LRP1B: variants seen among roughly 807,000 people sequenced by gnomAD.
The protein encoded by LRP1B is low-density lipoprotein receptor-related protein 1B.
LRP1B carries 217 observed loss-of-function variants against 556.6 expected under a neutral mutation model. That is an observed-to-expected ratio of 0.39 (90% CI 0.35 to 0.44). The LOEUF is 0.44. Among genes scored for constraint, LRP1B ranks in the 20% least tolerant of loss-of-function variants. The pLI is 1.00. For synonymous variants in LRP1B, 2,047 were observed against 1,865.8 expected (o/e 1.10, Z -2.50); for missense variants, 5,053 against 5,620.8 (o/e 0.90, Z 3.23).
chr2:140,344,847 A>G (rs575428713), intron 77 of LRP1B, among the ~76,000 whole-genome samples: 1 of 151,800 alleles, frequency 6.6e-6, no homozygotes, highest in Admixed American at 6.6e-5. Context: ...GGGGTATTTC[A>G]TTATTAAGAG....
In LRP1B at chr2:141,483,773, G is replaced by A. The variant is rs1280233852; in HGVS notation, c.206-3240C>T. Among the ~76,000 whole-genome samples the A allele has an allele frequency of 5.9e-5, 9 of 151,994 alleles. No homozygotes were observed. In the East Asian group the frequency reaches 1.6e-3, roughly 26 times the overall value. Reference sequence around the variant, plus strand: ...GCATAAATGTCTTCTTTTGAGAAGTGTCTGTTCATATCCTTTGCCCACTTT... The same window carrying A: ...GCATAAATGTCTTCTTTTGAGAAGTATCTGTTCATATCCTTTGCCCACTTT... On this transcript the variant is annotated intron_variant, in intron 2 of 90. Coordinates refer to ENST00000389484, the MANE Select transcript of LRP1B (RefSeq NM_018557.3).
At chr2:141,076,405 T>C (rs763370472) in intron 7 of LRP1B, among the ~76,000 whole-genome samples, 1 of 152,208 alleles carries the variant, frequency 6.6e-6, no homozygotes, top group Non-Finnish European at 1.5e-5. Flanking sequence ...GATTAATACT[T>C]GAAAAGGTAA....
chr2:140,533,625 G>A (rs13404711), intron 47 of LRP1B, among the ~76,000 whole-genome samples: 65,679 of 151,902 alleles, frequency 0.43, 15,098 homozygotes, highest in East Asian at 0.58. Flanking sequence ...GTGGGAAGGA[G>A]AAATTAAGGA....
At chr2:141,344,324 T>A (rs937577217) in intron 3 of LRP1B, among the ~76,000 whole-genome samples, 1 of 152,206 alleles carries the variant, frequency 6.6e-6, no homozygotes, top group Non-Finnish European at 1.5e-5. Context: ...GGTCCTGTTA[T>A]CATTCTGAAC....
At chr2:140,926,073 T>TTC (rs1694877212) in intron 20 of LRP1B, among the ~76,000 whole-genome samples, 1 of 147,856 alleles carries the variant, frequency 6.8e-6, no homozygotes, top group Non-Finnish European at 1.5e-5. Context: ...TTTTTTTTTT[T>TTC]CTTCTTAAGC....
intron 2 of LRP1B, among the ~76,000 whole-genome samples, chr2:141,660,969 C>G (rs764650528): frequency 2.6e-5 from 4 of 152,150 alleles, no homozygotes; most frequent in Non-Finnish European, 4.4e-5. Flanking sequence ...AAGAATCAGG[C>G]AGCCATCTTT....
intron 2 of LRP1B, among the ~76,000 whole-genome samples, chr2:141,525,682 T>G (rs1000626491): frequency 3.9e-5 from 6 of 152,114 alleles, no homozygotes; most frequent in Admixed American, 2.6e-4. Flanking sequence ...GGAACTGATA[T>G]GCCATACTAA....
chr2:141,562,354 T>A (rs1686186291), intron 2 of LRP1B, among the ~76,000 whole-genome samples: 1 of 151,966 alleles, frequency 6.6e-6, no homozygotes, highest in South Asian at 2.1e-4. Flanking sequence ...CCATATCCAA[T>A]AGCTATCCAC....
chr2:141,388,560 A>G (rs920918010), intron 3 of LRP1B, among the ~76,000 whole-genome samples: 1 of 152,218 alleles, frequency 6.6e-6, no homozygotes, highest in East Asian at 1.9e-4. Context: ...AACTAACTCA[A>G]TGGTGGAAGT....
At chr2:140,256,350 C>CACTCAGATCTAGCCTCTTAT (rs1681677168) in intron 86 of LRP1B, among the ~76,000 whole-genome samples, 1 of 150,984 alleles carries the variant, frequency 6.6e-6, no homozygotes, top group Non-Finnish European at 1.5e-5. Context: ...TAGCCTCTTA[C>CACTCAGATCTAGCCTCTTAT]GTTTTAACCT....
chr2:140,594,432 T>C (rs1184939129), intron 43 of LRP1B, among the ~76,000 whole-genome samples: 3 of 152,200 alleles, frequency 2.0e-5, no homozygotes, highest in South Asian at 2.1e-4. Context: ...GTTTAAAACA[T>C]AGTTTTGAAA....
chr2:141,785,384 A>T (rs1304331236), intron 2 of LRP1B, among the ~76,000 whole-genome samples: 3 of 151,936 alleles, frequency 2.0e-5, no homozygotes, highest in African/African-American at 7.2e-5. Flanking sequence ...ATCTGTGACC[A>T]TCTGTGAGAA....
chr2:140,805,334 G>C (rs1055520112), intron 32 of LRP1B, among the ~76,000 whole-genome samples: 2 of 152,100 alleles, frequency 1.3e-5, no homozygotes, highest in Admixed American at 6.6e-5. Context: ...GTAATTAAAG[G>C]CTGGTGGTTT....
chr2:141,319,307 G>GTTTT lies in LRP1B; in HGVS notation c.344-64667_344-64666insAAAA, dbSNP rs1370500448. ...AGTCTCTAAAAAGCAGTGTTTTTTTGTTGTTTTTTTTTTTTTTCCTACTCT... is the reference window on the plus strand; with the variant it reads ...AGTCTCTAAAAAGCAGTGTTTTTTTGTTTTTTGTTTTTTTTTTTTTTCCTACTCT... On this transcript the variant is annotated intron_variant, in intron 3 of 90. Coordinates refer to ENST00000389484, the MANE Select transcript of LRP1B (RefSeq NM_018557.3). Among the ~76,000 whole-genome samples, 21 of 88,786 alleles carry GTTTT rather than the reference G, an allele frequency of 2.4e-4. 1 individual carries two copies. The highest frequency in any genetic ancestry group is 9.6e-4 in the African/African-American group (20 of 20,928). The allele number at this position is 88,786 out of a possible 152,430, so 58.2% of individuals were successfully genotyped here.
intron 1 of LRP1B, among the ~76,000 whole-genome samples, chr2:141,968,415 C>T (rs1394318366): frequency 1.3e-5 from 2 of 150,618 alleles, no homozygotes; most frequent in East Asian, 3.9e-4. Context: ...TTTTTTTTTC[C>T]CTAAATTCCT....
chr2:141,484,336 A>G (rs1416777761), intron 2 of LRP1B, among the ~76,000 whole-genome samples: 2 of 149,858 alleles, frequency 1.3e-5, no homozygotes, highest in African/African-American at 4.9e-5. Context: ...CCATTTTGGT[A>G]CCAGTACCAT....
intron 7 of LRP1B, among the ~76,000 whole-genome samples, chr2:141,120,825 T>C (rs997384005): frequency 2.6e-5 from 4 of 152,024 alleles, no homozygotes; most frequent in African/African-American, 9.6e-5. Flanking sequence ...TGATAGGAAT[T>C]TGAAACAAGT....
chr2:140,860,667 ATT>A (rs201202162), intron 27 of LRP1B, among the ~76,000 whole-genome samples: 2 of 148,252 alleles, frequency 1.3e-5, no homozygotes, highest in East Asian at 2.0e-4. Flanking sequence ...TTCTTGAAAG[ATT>A]TTTTTTTTTT....
chr2:142,000,450 T>C (rs1031270111), intron 1 of LRP1B, among the ~76,000 whole-genome samples: 2 of 152,236 alleles, frequency 1.3e-5, no homozygotes, highest in Non-Finnish European at 2.9e-5. Flanking sequence ...TGGTGATTAC[T>C]GTTAACATTT....
Sources: allele counts gnomAD v4.1 joint callset (sites outside exome capture counted in the v4.1 genomes callset), GRCh38; gene constraint gnomAD v4.1.1; transcripts MANE v1.5; gene names NCBI Gene and HGNC (gene_info 2026-07-23, HGNC 2026-07-21).